PRUNE2: variants seen among roughly 807,000 people sequenced by gnomAD.
PRUNE2 encodes protein prune homolog 2.
Under a neutral mutation model 252.0 loss-of-function variants are expected in PRUNE2, and 164 were observed. The ratio of observed to expected loss-of-function variants is 0.65; its 90% CI spans 0.57 to 0.74. PRUNE2 has a LOEUF of 0.74. Ranked by LOEUF, PRUNE2 falls within the 30% of genes least tolerant of loss-of-function variation. PRUNE2 has a pLI of 0.00. For missense variants in PRUNE2, 3,495 were observed against 3,711.0 expected (o/e 0.94, Z 1.51); for synonymous variants, 1,292 against 1,350.2 (o/e 0.96, Z 0.94).
chr9:76,851,246 G>C (rs2059937369), intron 2 of PRUNE2, among the ~76,000 whole-genome samples: 1 of 152,064 alleles, frequency 6.6e-6, no homozygotes, highest in Admixed American at 6.6e-5. Flanking sequence ...GCCCAGTGTA[G>C]TTAAAACTTT....
chr9:76,856,218 C>G (rs1047909479), intron 1 of PRUNE2, among the ~76,000 whole-genome samples: 3 of 152,224 alleles, frequency 2.0e-5, no homozygotes, highest in African/African-American at 7.2e-5. Flanking sequence ...TGAGCCCCAT[C>G]TCCTCTGCCC....
intron 9 of PRUNE2, among the ~76,000 whole-genome samples, chr9:76,657,901 G>A (rs1376931574): frequency 6.6e-6 from 1 of 152,154 alleles, no homozygotes; most frequent in Non-Finnish European, 1.5e-5. Context: ...TTAGAAAATA[G>A]AGCCTTTGCC....
intron 1 of PRUNE2, among the ~76,000 whole-genome samples, chr9:76,867,417 G>T (rs2060913482): frequency 6.6e-6 from 1 of 152,122 alleles, no homozygotes; most frequent in Admixed American, 6.5e-5. Flanking sequence ...AACTGAACAA[G>T]GAAATTGTTC....
chr9:76,850,222 T>G (rs1018222763), intron 3 of PRUNE2, among the ~76,000 whole-genome samples: 6 of 152,224 alleles, frequency 3.9e-5, no homozygotes, highest in Middle Eastern at 3.4e-3. Context: ...CATTTTCGTA[T>G]TTTTAGTAGA....
rs186528929 is a variant in PRUNE2 at position 76,722,268 on chromosome 9, C to T, written c.757-8547G>A. ...TATTTTTAGTAGAGACAGTGTTTCA[C>T]CATGTTGGCCAGGCTGGTCTTGAAC... is the stretch of plus-strand genomic sequence containing the variant. On this transcript the variant is annotated intron_variant, in intron 6 of 18. Transcript: ENST00000376718. 5.2e-3 allele frequency among the ~76,000 whole-genome samples: 777 copies of T among 149,728 alleles called. 6 individuals carry two copies. Among genetic ancestry groups the T allele is most frequent in the African/African-American group, 0.018 (745 of 40,710 alleles).
chr9:76,618,692 C>T (rs1830745542), intron 18 of PRUNE2, among the ~76,000 whole-genome samples: 1 of 152,240 alleles, frequency 6.6e-6, no homozygotes, highest in South Asian at 2.1e-4. Context: ...AGCTCTGGGC[C>T]ATTTTTACAG....
intron 2 of PRUNE2, 22 bp downstream of exon 2, chr9:76,854,082 G>A (rs745756997): frequency 1.7e-6 from 2 of 1,180,964 alleles, no homozygotes; most frequent in African/African-American, 3.0e-5. Flanking sequence ...AATATAAGGA[G>A]TATTACCCTT....
At chr9:76,633,683 G>T (rs1164675143) in intron 15 of PRUNE2, among the ~76,000 whole-genome samples, 1 of 152,146 alleles carries the variant, frequency 6.6e-6, no homozygotes, top group Non-Finnish European at 1.5e-5. Flanking sequence ...AGCTGTAACT[G>T]AAATCATAGG....
rs151014327 is a variant in PRUNE2, at chr9:76,724,854, G to T, written c.757-11133C>A. Among the ~76,000 whole-genome samples the T allele has an allele frequency of 7.8e-3, 1,188 of 152,146 alleles. 9 individuals carry two copies. The highest frequency in any genetic ancestry group is 0.014 in the Middle Eastern group (4 of 294). On this transcript the variant is annotated intron_variant, in intron 6 of 18. Transcript: ENST00000376718. ...GGGCTAGACTGCTGTTTCCTTTAAG[G>T]GCCCCTTTTTGTTTCTGTATGTTTA...
At chr9:76,813,310 T>C (rs1380719416) in intron 6 of PRUNE2, among the ~76,000 whole-genome samples, 1 of 152,188 alleles carries the variant, frequency 6.6e-6, no homozygotes, top group Non-Finnish European at 1.5e-5. Context: ...AGTTGTTAAG[T>C]TCCTCCATAA....
intron 1 of PRUNE2, among the ~76,000 whole-genome samples, chr9:76,864,665 G>T (rs1424942525): frequency 6.6e-6 from 1 of 152,068 alleles, no homozygotes; most frequent in Non-Finnish European, 1.5e-5. Flanking sequence ...GACACACAAA[G>T]GGTTCCTATA....
intron 6 of PRUNE2, among the ~76,000 whole-genome samples, chr9:76,746,431 C>G (rs916202487): frequency 6.6e-6 from 1 of 151,998 alleles, no homozygotes; most frequent in Non-Finnish European, 1.5e-5. Flanking sequence ...AGCGGCCGGG[C>G]GCGGTGGCTC....
chr9:76,641,441 T>TA lies in PRUNE2; in HGVS notation c.8729-3154dup, dbSNP rs529748930. 5.5e-3 allele frequency among the ~76,000 whole-genome samples: 844 copies of TA among 152,236 alleles called. 23 individuals are homozygous for TA. The highest frequency in any genetic ancestry group is 0.047 in the Admixed American group (724 of 15,282). On this transcript the variant is annotated intron_variant, in intron 12 of 18. Coordinates refer to ENST00000376718, the MANE Select transcript of PRUNE2 (RefSeq NM_015225.3). ...TAATTTTTCTATAGCTGCTTCCTGC[T>TA]AAAAAAAGTTTAAATTTAAATTTAA...
intron 9 of PRUNE2, among the ~76,000 whole-genome samples, chr9:76,696,366 G>A (rs1050623973): frequency 3.3e-5 from 5 of 152,028 alleles, no homozygotes; most frequent in East Asian, 1.9e-4. Context: ...TGTTTGCTTC[G>A]TCAGCTCTAC....
intron 9 of PRUNE2, chr9:76,687,725 CA>C: frequency 7.7e-6 from 2 of 259,534 alleles, no homozygotes; most frequent in Non-Finnish European, 1.6e-5. Context: ...GGCTGTATTA[CA>C]AAAAGAATGG....
intron 5 of PRUNE2, among the ~76,000 whole-genome samples, chr9:76,825,423 G>A (rs2058288729): frequency 6.6e-6 from 1 of 152,178 alleles, no homozygotes; most frequent in African/African-American, 2.4e-5. Context: ...GTTTCCCATG[G>A]AGCCAACTTG....
intron 9 of PRUNE2, among the ~76,000 whole-genome samples, chr9:76,676,582 G>C (rs538346944): frequency 6.6e-6 from 1 of 152,154 alleles, no homozygotes; most frequent in African/African-American, 2.4e-5. Flanking sequence ...TCCTACATTT[G>C]ATTCACTTAC....
At chr9:76,616,532 G>A (rs1050774200) in intron 18 of PRUNE2, among the ~76,000 whole-genome samples, 24 of 152,052 alleles carry the variant, frequency 1.6e-4, no homozygotes, top group African/African-American at 5.8e-4. Flanking sequence ...TTTCACCATC[G>A]GGCCCCTGAG....
chr9:76,893,127 C>T (rs2062588990), intron 1 of PRUNE2, among the ~76,000 whole-genome samples: 1 of 152,170 alleles, frequency 6.6e-6, no homozygotes, highest in Admixed American at 6.5e-5. Flanking sequence ...TGCCTGTAGT[C>T]GTAGCTACTT....
Sources: allele counts gnomAD v4.1 joint callset (sites outside exome capture counted in the v4.1 genomes callset), GRCh38; gene constraint gnomAD v4.1.1; transcripts MANE v1.5; gene names NCBI Gene and HGNC (gene_info 2026-07-23, HGNC 2026-07-21).